The following ALPL variants were observed in gnomAD, a reference collection of about 807,000 sequenced individuals.
ALPL encodes the protein alkaline phosphatase, biomineralization associated, also known as alkaline phosphatase, tissue-nonspecific isozyme.
In ALPL, 42 loss-of-function variants were observed where a neutral mutation model predicts 51.3. The observed-to-expected ratio is 0.82, with a 90% CI of 0.64 to 1.06. The LOEUF (loss-of-function observed/expected upper bound fraction) is 1.06. Among genes scored for constraint, ALPL ranks in the 50% least tolerant of loss-of-function variants. The pLI, the probability that ALPL is intolerant of heterozygous loss-of-function variation, is 0.00. For synonymous variants in ALPL, 279 were observed against 296.4 expected (o/e 0.94, Z 0.60); for missense variants, 589 against 709.4 (o/e 0.83, Z 1.93).
intron 8 of ALPL, among the ~76,000 whole-genome samples, chr1:21,572,633 T>C (rs1054820431): frequency 6.6e-6 from 1 of 152,052 alleles, no homozygotes; most frequent in African/African-American, 2.4e-5. Context: ...TGGCACCAAG[T>C]GAACCCTGTG....
chr1:21,561,546 C>A (rs1299831357), intron 4 of ALPL, among the ~76,000 whole-genome samples: 1 of 152,062 alleles, frequency 6.6e-6, no homozygotes, highest in African/African-American at 2.4e-5. Flanking sequence ...TGTACCACCA[C>A]ATATGGATAA....
At chr1:21,554,843 TTCTTTCTTTCTTTCTTTC>T (rs1644386467) in intron 2 of ALPL, among the ~76,000 whole-genome samples, 1 of 135,808 alleles carries the variant, frequency 7.4e-6, no homozygotes, top group Admixed American at 7.9e-5. Flanking sequence ...CTTTCTTTCT[TTCTTTCTTTCTTTCTTTC>T]TTTCTTTCTT....
chr1:21,564,037 C>T lies in ALPL; in HGVS notation c.473-4C>T. The stretch of plus-strand genomic sequence containing the variant: ...AAGCCAAACCCGCCCCTCCTGCACC[C>T]CAGGGAAATCTGTGGGCATTGTGAC... On this transcript the variant is annotated splice_polypyrimidine_tract_variant and splice_region_variant and intron_variant, in intron 5 of 11. Transcript: ENST00000374840. The surrounding 1 kb of genome is among the most constrained non-coding windows in gnomAD (Gnocchi z 5.8). The T allele has an allele frequency of 6.2e-7, 1 of 1,613,714 alleles. No homozygotes were observed. The highest frequency in any genetic ancestry group is 8.5e-7 in the Non-Finnish European group (1 of 1,179,974).
At chr1:21,514,732 G>T (rs1211510433) in intron 1 of ALPL, among the ~76,000 whole-genome samples, 2 of 152,256 alleles carry the variant, frequency 1.3e-5, no homozygotes, top group East Asian at 3.9e-4. Context: ...CACATCCCCT[G>T]GTCCTTACAC....
At chr1:21,559,701 G>A (rs1644458492) in intron 2 of ALPL, among the ~76,000 whole-genome samples, 1 of 152,162 alleles carries the variant, frequency 6.6e-6, no homozygotes, top group African/African-American at 2.4e-5. Context: ...TCATATTTCA[G>A]TAGAGACGGG....
At chr1:21,532,073 T>C (rs1644038211) in intron 1 of ALPL, among the ~76,000 whole-genome samples, 1 of 152,180 alleles carries the variant, frequency 6.6e-6, no homozygotes, top group Non-Finnish European at 1.5e-5. Flanking sequence ...AGCGTGTGGA[T>C]TCCCCAATCC....
chr1:21,576,165 C>T (rs534317879), intron 10 of ALPL, among the ~76,000 whole-genome samples: 7 of 150,330 alleles, frequency 4.7e-5, no homozygotes, highest in South Asian at 2.1e-4. Context: ...CATGGCTGGG[C>T]GAGAACGTGG....
rs1374715286 is a variant in ALPL, at chr1:21,554,861, C to CT, written c.61+722dup. ...TCTTTCTTTCTTTCTTTCTTTCTTT[C>CT]TTTCTTTCTTTCTCTCTTTCTTTCT... On this transcript the variant is annotated intron_variant, in intron 2 of 11. Coordinates refer to ENST00000374840, the MANE Select transcript of ALPL (RefSeq NM_000478.6). 2.2e-4 allele frequency among the ~76,000 whole-genome samples: 30 copies of CT among 134,846 alleles called. 2 individuals carry two copies. The Admixed American group carries it at 2.4e-3, about 11-fold the overall frequency. 88.5% of individuals were successfully genotyped at this position (134,846 alleles called of 152,430 possible).
intron 7 of ALPL, among the ~76,000 whole-genome samples, chr1:21,569,227 G>A (rs1644610882): frequency 6.6e-6 from 1 of 152,192 alleles, no homozygotes; most frequent in Non-Finnish European, 1.5e-5. Flanking sequence ...TCAAGCCAGA[G>A]AGACACCAGC....
chr1:21,554,911 TTTC>T (rs869121803), intron 2 of ALPL, among the ~76,000 whole-genome samples: 1 of 38,254 alleles, frequency 2.6e-5, no homozygotes. Flanking sequence ...TTCTTTCTCT[TTTC>T]TTTCTTTCTT....
chr1:21,570,491 C>T, intron 8 of ALPL, 117 bp downstream of exon 8: 1 of 1,089,950 alleles, frequency 9.2e-7, no homozygotes, highest in Non-Finnish European at 1.4e-6. Flanking sequence ...GGCCTCTGCT[C>T]TTGGGCTTCA....
intron 1 of ALPL, among the ~76,000 whole-genome samples, chr1:21,542,078 C>T (rs577072337): frequency 7.9e-5 from 12 of 152,358 alleles, no homozygotes; most frequent in African/African-American, 2.6e-4. Context: ...TAACTTCCTC[C>T]AGTAATGAAT....
At chr1:21,570,269 G>T in intron 7 of ALPL, 36 bp from the exon 8 acceptor site, 1 of 1,607,146 alleles carries the variant, frequency 6.2e-7, no homozygotes, top group Non-Finnish European at 8.5e-7. Context: ...ACTCTCCCTA[G>T]CCCCCGGCAT....
At chr1:21,528,006 T>G (rs1643971398) in intron 1 of ALPL, among the ~76,000 whole-genome samples, 1 of 107,912 alleles carries the variant, frequency 9.3e-6, no homozygotes, top group African/African-American at 4.3e-5. Flanking sequence ...TACGTGTTTT[T>G]TTTTTTTTTG....
At chr1:21,546,104 A>C (rs149700188) in intron 1 of ALPL, among the ~76,000 whole-genome samples, 1 of 152,230 alleles carries the variant, frequency 6.6e-6, no homozygotes, top group Admixed American at 6.5e-5. Flanking sequence ...AATTCTTTTA[A>C]ATTTAATTCA....
In ALPL at chr1:21,524,876, G is replaced by A. The variant is rs996652725; in HGVS notation, c.-105+15359G>A. On this transcript the variant is annotated intron_variant, in intron 1 of 11. Transcript: ENST00000374840. ...GGAAGGACAGGCGAAGGGGCATGGC[G>A]GGGCAGTCCTGGTGTCTCCAGGACC... Among the ~76,000 whole-genome samples the A allele has an allele frequency of 3.3e-5, 5 of 152,318 alleles. No individual in the cohort carries two copies. The East Asian group carries it at 9.6e-4, about 29-fold the overall frequency.
chr1:21,524,887 G>A (rs897159890), intron 1 of ALPL, among the ~76,000 whole-genome samples: 1 of 152,200 alleles, frequency 6.6e-6, no homozygotes, highest in Non-Finnish European at 1.5e-5. Flanking sequence ...GGGCAGTCCT[G>A]GTGTCTCCAG....
At position 21,560,953 on chromosome 1, in the gene ALPL, T is replaced by C. The variant is rs114076331; in HGVS notation, c.182-144T>C. On this transcript the variant is annotated intron_variant, in intron 3 of 11. Transcript: ENST00000374840. ...TCTGGGGGTGAAGGGAGAGAGGGGC[T>C]GCTCACTGACATTTACAGAGCCATG... 6.2e-3 allele frequency: 6,031 copies of C among 979,282 alleles called. 229 individuals are homozygous for C. The African/African-American group carries it at 0.083, about 14-fold the overall frequency. The allele number at this position is 979,282 out of a possible 1,614,324, so 60.7% of individuals were successfully genotyped here.
chr1:21,544,370 C>T (rs1644226992), intron 1 of ALPL, among the ~76,000 whole-genome samples: 2 of 152,316 alleles, frequency 1.3e-5, no homozygotes, highest in East Asian at 1.9e-4. Context: ...AATGTGGTGA[C>T]TGAGAGTGGT....
Sources: allele counts gnomAD v4.1 joint callset (sites outside exome capture counted in the v4.1 genomes callset), GRCh38; gene constraint gnomAD v4.1.1; non-coding constraint Gnocchi (gnomAD v3.1); transcripts MANE v1.5; gene names NCBI Gene and HGNC (gene_info 2026-07-23, HGNC 2026-07-21).